TASOR2: variants seen among roughly 807,000 people sequenced by gnomAD.
The protein encoded by TASOR2 is protein TASOR 2.
TASOR2 carries 84 observed loss-of-function variants against 199.5 expected under a neutral mutation model. That is an observed-to-expected ratio of 0.42 (90% CI 0.35 to 0.50). The LOEUF is 0.50. Among genes scored for constraint, TASOR2 ranks in the 20% least tolerant of loss-of-function variants. TASOR2 has a pLI of 0.02. For missense variants in TASOR2, 2,796 were observed against 2,835.9 expected (o/e 0.99, Z 0.32); for synonymous variants, 1,103 against 1,046.6 (o/e 1.05, Z -1.04).
In TASOR2 at chr10:5,749,125, G is replaced by A. The variant is rs777499188; in HGVS notation, c.5704G>A (p.Val1902Ile). 3.8e-5 allele frequency: 62 copies of A among 1,613,942 alleles called. No homozygotes were observed. Among genetic ancestry groups the A allele is most frequent in the African/African-American group, 6.7e-5 (5 of 74,898 alleles). ...CCCTCCCGGGCACTGGACTGCTGCG[G>A]TAAAGAAAGAAGAGAAGTGTGTGCC... Residue 1902 changes from valine to isoleucine, a missense_variant, in exon 15 of 21, where the codon GTA (valine) becomes ATA (isoleucine). This residue lies in a region of TASOR2 where 1,941 missense variants were observed against 1,924.9 expected (regional missense o/e 1.01). Transcript: ENST00000328090.
intron 1 of TASOR2, among the ~76,000 whole-genome samples, chr10:5,700,453 G>A (rs1837683669): frequency 6.6e-6 from 1 of 152,070 alleles, no homozygotes. Flanking sequence ...ATACCCAGTA[G>A]TGGAATTGCT....
rs1027801615 is a variant in TASOR2, at chr10:5,749,398, G to A, written c.5977G>A (p.Gly1993Arg). The change falls in exon 15 of 21, where the codon GGG (glycine) becomes AGG (arginine). Residue 1993 changes from glycine to arginine, a missense_variant. This residue lies in a region of TASOR2 where 1,941 missense variants were observed against 1,924.9 expected (regional missense o/e 1.01). Transcript: ENST00000328090. ...TAAACTAAAACAGACCATAAAGAAT[G>A]GGGATTCTCAGCATTCTGCCTCCTC... 1.9e-6 allele frequency: 3 copies of A among 1,614,092 alleles called. No homozygotes were observed. The African/African-American group carries it at 4.0e-5, about 22-fold the overall frequency.
intron 1 of TASOR2, among the ~76,000 whole-genome samples, chr10:5,702,634 CATTT>C (rs1194534871): frequency 6.1e-4 from 59 of 96,308 alleles, no homozygotes; most frequent in African/African-American, 1.2e-3. Flanking sequence ...CTAAAATGGT[CATTT>C]TTTTTTTTTT....
chr10:5,733,125 C>T (rs571173393), intron 11 of TASOR2, among the ~76,000 whole-genome samples: 23 of 152,024 alleles, frequency 1.5e-4, no homozygotes, highest in South Asian at 4.2e-4. Context: ...TATTATATTC[C>T]GGTACCTACA....
Position 5,709,643 on chromosome 10 carries a change from C to T in TASOR2, c.-287-3180C>T, listed in dbSNP as rs1032982020. 30 of 1,230,958 alleles carry T rather than the reference C, an allele frequency of 2.4e-5. No homozygotes were observed. The African/African-American group carries it at 3.4e-4, about 14-fold the overall frequency. The allele number at this position is 1,230,958 out of a possible 1,614,324, so 76.3% of individuals were successfully genotyped here. A position where few individuals can be genotyped will look rare whatever the true frequency, so the allele number is the denominator to read the frequency against. ...CATTCTCTCTTAGAGAAGATCGAGA[C>T]AGGGTCCCTATCAGAAAAGAGTGGG... On this transcript the variant is annotated intron_variant, in intron 1 of 20. Coordinates refer to ENST00000328090, the Ensembl canonical transcript of TASOR2.
Position 5,738,801 on chromosome 10 carries a change from A to AAT in TASOR2, c.1448-815_1448-814dup, listed in dbSNP as rs761118296. Among the ~76,000 whole-genome samples, 27 of 152,328 alleles carry AAT rather than the reference A, an allele frequency of 1.8e-4. No homozygotes were observed. Among genetic ancestry groups the AAT allele is most frequent in the Non-Finnish European group, 3.1e-4 (21 of 68,032 alleles). On this transcript the variant is annotated intron_variant, in intron 12 of 20. Coordinates refer to ENST00000328090, the Ensembl canonical transcript of TASOR2. The surrounding 1 kb of genome is among the most constrained non-coding windows in gnomAD (Gnocchi z 4.7). ...CAGAGTTGTGAAGTTTATCCTTCAT[A>AAT]ATAACAGCATTTAGGAAGGAATAAT...
At chr10:5,746,272 C>A (rs757298172) in exon 15 of TASOR2, 3 of 1,613,804 alleles carry the variant, frequency 1.9e-6, no homozygotes, top group Non-Finnish European at 2.5e-6. Flanking sequence ...ACCTTCTGTT[C>A]CTAGTGAAGA....
chr10:5,686,980 C>A (rs555220435), intron 1 of TASOR2, among the ~76,000 whole-genome samples: 25 of 152,208 alleles, frequency 1.6e-4, no homozygotes, highest in African/African-American at 5.3e-4. Flanking sequence ...TATAGAAAAT[C>A]TTGGGATATT....
At chr10:5,753,497 G>C (rs926190214) in intron 15 of TASOR2, among the ~76,000 whole-genome samples, 1 of 152,098 alleles carries the variant, frequency 6.6e-6, no homozygotes, top group African/African-American at 2.4e-5. Flanking sequence ...GGAGTAGCTG[G>C]GACTACAGGC....
chr10:5,735,764 CT>C (rs1230370949), intron 12 of TASOR2, among the ~76,000 whole-genome samples: 1 of 152,124 alleles, frequency 6.6e-6, no homozygotes, highest in African/African-American at 2.4e-5. Flanking sequence ...ATAGAGCCTA[CT>C]TTTTACTTTG....
At chr10:5,761,314 G>A (rs1421007541) in exon 19 of TASOR2, 1 of 1,613,558 alleles carries the variant, frequency 6.2e-7, no homozygotes, top group East Asian at 2.2e-5. Context: ...CACATAAGAA[G>A]AACATAATGT....
chr10:5,763,029 G>A lies in TASOR2; in HGVS notation c.7290G>A (p.Trp2430Ter), dbSNP rs1418572427. 4 of 1,611,010 alleles carry A rather than the reference G, an allele frequency of 2.5e-6. No individual in the cohort carries two copies. The East Asian group carries it at 8.9e-5, about 36-fold the overall frequency. Residue 2430 changes from tryptophan (W) to a stop codon, truncating the protein, a stop_gained and splice_region_variant, in exon 21 of 21, where the codon TGG becomes TGA. Coordinates refer to ENST00000328090, the Ensembl canonical transcript of TASOR2. LOFTEE classifies it high-confidence loss of function. Reference sequence around the variant, plus strand: ...CTTTATCAATTTTGTGTTTCTTCAGGTGACTCAACTACAGCCTGCCTGGAT... The same window carrying A: ...CTTTATCAATTTTGTGTTTCTTCAGATGACTCAACTACAGCCTGCCTGGAT...
exon 13 of TASOR2, chr10:5,739,972 C>T: frequency 6.2e-7 from 1 of 1,614,010 alleles, no homozygotes; most frequent in East Asian, 2.2e-5. Context: ...AACCCATCTT[C>T]TGATAGGAAG....
At chr10:5,757,880 T>G (rs1209240889) in intron 17 of TASOR2, among the ~76,000 whole-genome samples, 1 of 152,138 alleles carries the variant, frequency 6.6e-6, no homozygotes, top group African/African-American at 2.4e-5. Flanking sequence ...AACTGATTCT[T>G]ACCACCACAC....
chr10:5,700,530 A>G (rs1026787772), intron 1 of TASOR2, among the ~76,000 whole-genome samples: 2 of 152,062 alleles, frequency 1.3e-5, no homozygotes, highest in African/African-American at 2.4e-5. Context: ...TAGTGGCTGT[A>G]CTAACTTAAA....
rs185164139 is a variant in TASOR2, at chr10:5,696,871, A to G, written c.-288+11696A>G. ...ATCTGTGAAAGATGAAAAAGTTTATATAAAAAAAACTGCTGCGACAGAAGA... is the reference window on the plus strand; with the variant it reads ...ATCTGTGAAAGATGAAAAAGTTTATGTAAAAAAAACTGCTGCGACAGAAGA... On this transcript the variant is annotated intron_variant, in intron 1 of 20. Coordinates refer to ENST00000328090, the Ensembl canonical transcript of TASOR2. Among the ~76,000 whole-genome samples, 1,422 of 151,948 alleles carry G rather than the reference A, an allele frequency of 9.4e-3. 28 individuals are homozygous for G. The highest frequency in any genetic ancestry group is 0.033 in the African/African-American group (1,355 of 41,234).
At chr10:5,709,330 T>C (rs980924499) in intron 1 of TASOR2, among the ~76,000 whole-genome samples, 2 of 152,194 alleles carry the variant, frequency 1.3e-5, no homozygotes, top group African/African-American at 2.4e-5. Flanking sequence ...TAAAGACTTT[T>C]GGAGGAAAAA....
intron 1 of TASOR2, among the ~76,000 whole-genome samples, chr10:5,696,952 A>C (rs1000608005): frequency 5.3e-5 from 8 of 152,188 alleles, no homozygotes; most frequent in Admixed American, 1.3e-4. Context: ...AATTCTCCCC[A>C]AAAAACCAGA....
exon 21 of TASOR2, chr10:5,763,130 C>A: frequency 8.9e-7 from 1 of 1,129,738 alleles, no homozygotes; most frequent in Non-Finnish European, 1.3e-6. Context: ...TGTGAACAGT[C>A]TTACATTTGA....
Sources: gnomAD v4.1 joint callset for allele counts (sites outside exome capture counted in the v4.1 genomes callset) on GRCh38, gnomAD v4.1.1 for gene constraint, gnomAD v4.1.1 regional missense constraint, Gnocchi (gnomAD v3.1) non-coding constraint, MANE v1.5 for transcripts, NCBI Gene and HGNC (gene_info 2026-07-23, HGNC 2026-07-21) for gene names.